Variants in ELMO1 observed in about 807,000 individuals in gnomAD.
ELMO1 encodes the protein engulfment and cell motility protein 1.
In ELMO1, 26 loss-of-function variants were observed where a neutral mutation model predicts 98.9. The observed-to-expected ratio is 0.26, with a 90% CI of 0.19 to 0.36. The LOEUF (loss-of-function observed/expected upper bound fraction) is 0.36. Ranked by LOEUF, ELMO1 falls within the 10% of genes least tolerant of loss-of-function variation. The pLI, the probability that ELMO1 is intolerant of heterozygous loss-of-function variation, is 1.00. For synonymous variants in ELMO1, 346 were observed against 346.0 expected, an observed-to-expected ratio of 1.00 and a Z score of 0.00; for missense variants, 627 against 935.2, an observed-to-expected ratio of 0.67 and a Z score of 4.30.
intron 1 of ELMO1, among the ~76,000 whole-genome samples, chr7:37,378,173 T>A (rs1802434692): frequency 6.6e-6 from 1 of 152,084 alleles, no homozygotes; most frequent in Admixed American, 6.5e-5. Context: ...CACTGAAGCT[T>A]CTATGGTCCC....
At chr7:37,041,883 T>C (rs1296968545) in intron 15 of ELMO1, among the ~76,000 whole-genome samples, 1 of 152,194 alleles carries the variant, frequency 6.6e-6, no homozygotes, top group Non-Finnish European at 1.5e-5. Flanking sequence ...TCTATGTTGA[T>C]GAAACACTTG....
chr7:37,350,962 A>G (rs145985962), intron 1 of ELMO1, among the ~76,000 whole-genome samples: 1 of 152,260 alleles, frequency 6.6e-6, no homozygotes, highest in East Asian at 1.9e-4. Flanking sequence ...TAGCCTCCGT[A>G]ACAGTGAGAA....
At chr7:36,905,739 T>C (rs1328724392) in intron 16 of ELMO1, among the ~76,000 whole-genome samples, 1 of 152,224 alleles carries the variant, frequency 6.6e-6, no homozygotes, top group Non-Finnish European at 1.5e-5. Context: ...TTCATCTCTA[T>C]GTTTCTGGTA....
intron 13 of ELMO1, among the ~76,000 whole-genome samples, chr7:37,209,407 G>A (rs1242700547): frequency 3.3e-5 from 5 of 152,174 alleles, no homozygotes; most frequent in Admixed American, 3.3e-4. Flanking sequence ...CCCGGAGGCA[G>A]CACATGGAAA....
At chr7:37,017,244 C>G (rs750607229) in intron 15 of ELMO1, among the ~76,000 whole-genome samples, 5 of 152,156 alleles carry the variant, frequency 3.3e-5, no homozygotes, top group Admixed American at 6.5e-5. Flanking sequence ...CTGAACCAAC[C>G]CTTTTTTCTT....
intron 6 of ELMO1, among the ~76,000 whole-genome samples, chr7:37,248,300 C>T (rs1584869246): frequency 6.6e-6 from 1 of 151,968 alleles, no homozygotes; most frequent in Non-Finnish European, 1.5e-5. Context: ...TGGCCAGAAA[C>T]CTCTCACCTC....
intron 15 of ELMO1, among the ~76,000 whole-genome samples, chr7:37,050,235 G>C (rs1322247142): frequency 2.0e-5 from 3 of 151,918 alleles, no homozygotes; most frequent in Admixed American, 6.6e-5. Flanking sequence ...ACCACACACA[G>C]CTAATTTTTC....
At chr7:37,021,498 A>G (rs976431623) in intron 15 of ELMO1, among the ~76,000 whole-genome samples, 2 of 152,158 alleles carry the variant, frequency 1.3e-5, no homozygotes, top group African/African-American at 4.8e-5. Context: ...GCACCAAAAG[A>G]CAGCCAATTC....
intron 8 of ELMO1, among the ~76,000 whole-genome samples, chr7:37,225,649 A>G (rs957352808): frequency 1.3e-5 from 2 of 152,252 alleles, no homozygotes; most frequent in African/African-American, 2.4e-5. Context: ...AGCAAACAGG[A>G]AATCATTTAA....
intron 16 of ELMO1, among the ~76,000 whole-genome samples, chr7:36,929,991 A>G (rs1178742039): frequency 1.3e-5 from 2 of 152,176 alleles, no homozygotes; most frequent in Admixed American, 1.3e-4. Flanking sequence ...AAGGCCCTAA[A>G]TTATGTTGAG....
intron 16 of ELMO1, among the ~76,000 whole-genome samples, chr7:36,973,764 C>G (rs558222504): frequency 6.6e-6 from 1 of 152,158 alleles, no homozygotes; most frequent in Non-Finnish European, 1.5e-5. Context: ...CGAGCGGGAA[C>G]CGGGGCTGCG....
chr7:37,440,280 AC>A lies in ELMO1; in HGVS notation c.-74+8394del, dbSNP rs1431456813. On this transcript the variant is annotated intron_variant, in intron 1 of 21. Coordinates refer to ENST00000310758, the MANE Select transcript of ELMO1 (RefSeq NM_014800.11). Reference sequence around the variant, plus strand: ...AATATGGTGAAACCTTGTCTCCACTACAAATACAAAAATTAGCCAGGTGTGA... The same window carrying A: ...AATATGGTGAAACCTTGTCTCCACTAAAATACAAAAATTAGCCAGGTGTGA... 2.6e-5 allele frequency among the ~76,000 whole-genome samples: 4 copies of A among 152,218 alleles called. No individual in the cohort carries two copies. The East Asian group carries it at 7.7e-4, about 29-fold the overall frequency.
intron 6 of ELMO1, among the ~76,000 whole-genome samples, chr7:37,257,449 G>T (rs1228384450): frequency 6.8e-6 from 1 of 147,540 alleles, no homozygotes; most frequent in Non-Finnish European, 1.5e-5. Flanking sequence ...ATTAGGCCAG[G>T]CACGGTGGCT....
At chr7:37,435,373 G>C (rs1018500258) in intron 1 of ELMO1, among the ~76,000 whole-genome samples, 2 of 152,178 alleles carry the variant, frequency 1.3e-5, no homozygotes, top group African/African-American at 4.8e-5. Context: ...TCCTAGGGTG[G>C]TTTCCACCCC....
chr7:37,047,521 C>T (rs1039550015), intron 15 of ELMO1, among the ~76,000 whole-genome samples: 12 of 152,212 alleles, frequency 7.9e-5, no homozygotes, highest in African/African-American at 2.9e-4. Context: ...GTCACCTGTT[C>T]CCCATAGAAT....
Position 37,354,088 on chromosome 7 carries a change from G to A in ELMO1, c.-73-11325C>T, listed in dbSNP as rs115393973. Among the ~76,000 whole-genome samples, 978 of 152,230 alleles carry A rather than the reference G, an allele frequency of 6.4e-3. 12 individuals carry two copies. Among genetic ancestry groups the A allele is most frequent in the African/African-American group, 0.023 (935 of 41,550 alleles). On this transcript the variant is annotated intron_variant, in intron 1 of 21. Coordinates refer to ENST00000310758, the MANE Select transcript of ELMO1 (RefSeq NM_014800.11). ...CTGCCCTGAATCTGTCTTCTTAGGCGCTTACAGTGACCTACCAGAGCACTT... is the reference window on the plus strand; with the variant it reads ...CTGCCCTGAATCTGTCTTCTTAGGCACTTACAGTGACCTACCAGAGCACTT...
At chr7:36,884,855 T>C (rs972381497) in intron 18 of ELMO1, among the ~76,000 whole-genome samples, 3 of 152,238 alleles carry the variant, frequency 2.0e-5, no homozygotes, top group Non-Finnish European at 4.4e-5. Flanking sequence ...TCCTACTCAT[T>C]GTCAGACAAG....
intron 1 of ELMO1, among the ~76,000 whole-genome samples, chr7:37,382,220 A>G (rs1802608613): frequency 6.6e-6 from 1 of 152,252 alleles, no homozygotes; most frequent in Non-Finnish European, 1.5e-5. Flanking sequence ...TTTTGGAGAA[A>G]ATAAAATGTT....
At chr7:37,345,995 A>G (rs1800989495) in intron 1 of ELMO1, among the ~76,000 whole-genome samples, 1 of 151,834 alleles carries the variant, frequency 6.6e-6, no homozygotes, top group Non-Finnish European at 1.5e-5. Context: ...TCTAAAAAAA[A>G]AAAAAAAAAA....
Sources: gnomAD v4.1 joint callset for allele counts (sites outside exome capture counted in the v4.1 genomes callset) on GRCh38, gnomAD v4.1.1 for gene constraint, MANE v1.5 for transcripts, NCBI Gene and HGNC (gene_info 2026-07-23, HGNC 2026-07-21) for gene names.